The following ANKRD11 variants were observed in gnomAD, a reference collection of about 807,000 sequenced individuals.
ANKRD11 encodes ankyrin repeat domain-containing protein 11.
A neutral mutation model predicts 195.7 loss-of-function variants in ANKRD11; 17 were observed. The observed-to-expected ratio is 0.09, with a 90% CI of 0.06 to 0.13. The LOEUF (loss-of-function observed/expected upper bound fraction) is 0.13, where lower values mean the gene tolerates loss of function less well. Ranked by LOEUF, ANKRD11 falls within the 10% of genes least tolerant of loss-of-function variation. ANKRD11 has a pLI of 1.00. For missense variants in ANKRD11, 3,735 were observed against 3,566.1 expected, an observed-to-expected ratio of 1.05 and a Z score of -1.21; for synonymous variants, 1,953 against 1,528.1, an observed-to-expected ratio of 1.28 and a Z score of -6.49.
intron 2 of ANKRD11, among the ~76,000 whole-genome samples, chr16:89,340,795 C>A (rs2038619983): frequency 6.6e-6 from 1 of 152,174 alleles, no homozygotes; most frequent in Non-Finnish European, 1.5e-5. Flanking sequence ...CTCTGAAACC[C>A]CAGAAATCAC....
At chr16:89,391,002 G>A (rs1251199827) in intron 2 of ANKRD11, among the ~76,000 whole-genome samples, 13 of 152,162 alleles carry the variant, frequency 8.5e-5, no homozygotes, top group East Asian at 7.7e-4. Context: ...GCCGAGGTGG[G>A]TGGATCACGA....
Position 89,279,425 on chromosome 16 carries a change from C to A in ANKRD11, c.7117G>T (p.Gly2373Cys). 2.0e-6 allele frequency: 3 copies of A among 1,524,046 alleles called. No individual in the cohort carries two copies. Among genetic ancestry groups the A allele is most frequent in the Non-Finnish European group, 2.6e-6 (3 of 1,138,146 alleles). 94.4% of individuals were successfully genotyped at this position (1,524,046 alleles called of 1,614,324 possible). A position where few individuals can be genotyped will look rare whatever the true frequency, so the allele number is the denominator to read the frequency against. Residue 2373 changes from glycine to cysteine, a missense_variant, in exon 9 of 13, where the codon GGC becomes TGC. Coordinates refer to ENST00000301030, the MANE Select transcript of ANKRD11 (RefSeq NM_013275.6). This position sits in a 1 kb window ranked among gnomAD's most constrained non-coding sequence, Gnocchi z 5.6. Reference protein sequence around the residue: ...PAPVTRAKARGSEDDDAQAQH... With the variant: ...PAPVTRAKARCSEDDDAQAQH... ...GCCTGGGCGTCGTCGTCCTCGGAGC[C>A]GCGGGCCTTGGCCCTGGTGACCGGG... is the stretch of plus-strand genomic sequence containing the variant.
At chr16:89,446,010 A>C (rs1224711319) in intron 1 of ANKRD11, among the ~76,000 whole-genome samples, 9 of 151,824 alleles carry the variant, frequency 5.9e-5, no homozygotes, top group African/African-American at 2.2e-4. Flanking sequence ...TTAAAAAAAA[A>C]AAAAAAAAAA....
At chr16:89,428,439 T>C (rs1323062336) in intron 1 of ANKRD11, among the ~76,000 whole-genome samples, 2 of 151,434 alleles carry the variant, frequency 1.3e-5, no homozygotes, top group African/African-American at 2.4e-5. Flanking sequence ...GGCAGGAAAA[T>C]GTTGTGAACC....
At chr16:89,362,189 C>T (rs1000663822) in intron 2 of ANKRD11, among the ~76,000 whole-genome samples, 1 of 152,214 alleles carries the variant, frequency 6.6e-6, no homozygotes, top group Non-Finnish European at 1.5e-5. Context: ...TTCTGAAATA[C>T]CAACTGCCTT....
At chr16:89,331,548 G>C (rs2038066964) in intron 2 of ANKRD11, among the ~76,000 whole-genome samples, 10 of 152,214 alleles carry the variant, frequency 6.6e-5, no homozygotes, top group Admixed American at 2.0e-4. Flanking sequence ...ATTTAGGAAA[G>C]AGCCTTTTGA....
intron 2 of ANKRD11, among the ~76,000 whole-genome samples, chr16:89,408,165 T>C (rs1286118731): frequency 1.3e-5 from 2 of 152,114 alleles, no homozygotes; most frequent in African/African-American, 4.8e-5. Context: ...AAGGCTGCAC[T>C]ATGTGGCAAG....
At chr16:89,363,902 A>G (rs2039839293) in intron 2 of ANKRD11, among the ~76,000 whole-genome samples, 1 of 152,170 alleles carries the variant, frequency 6.6e-6, no homozygotes, top group Non-Finnish European at 1.5e-5. Context: ...CAAAAAAGAA[A>G]AAAAAAATTA....
chr16:89,294,637 C>T, intron 4 of ANKRD11, among the ~76,000 whole-genome samples: 1 of 152,210 alleles, frequency 6.6e-6, no homozygotes, highest in Non-Finnish European at 1.5e-5. Context: ...CATGGCTCAA[C>T]AATGCCTGCT....
chr16:89,385,624 G>A (rs1323622023), intron 2 of ANKRD11, among the ~76,000 whole-genome samples: 1 of 152,178 alleles, frequency 6.6e-6, no homozygotes, highest in African/African-American at 2.4e-5. Context: ...ACACACTCAC[G>A]ATGATGCATT....
At chr16:89,458,779 T>C (rs1256648141) in intron 1 of ANKRD11, 1 of 152,278 alleles carries the variant, frequency 6.6e-6, no homozygotes, top group Non-Finnish European at 1.5e-5. Context: ...GGAGCCAGCC[T>C]GCTGCTGGCC....
rs62070811 is a variant in ANKRD11, at chr16:89,327,081, T to G, written c.-59-10003A>C. On this transcript the variant is annotated intron_variant, in intron 2 of 12. Transcript: ENST00000301030. ...ATGCAGAGGTGGGGAATGCAGAGGT[T>G]GGAAATGCAGAGGTGGGGAATGCAG... Among the ~76,000 whole-genome samples, 574 of 142,212 alleles carry G rather than the reference T, an allele frequency of 4.0e-3. 6 individuals carry two copies. Among genetic ancestry groups the G allele is most frequent in the African/African-American group, 0.013 (482 of 37,322 alleles). The allele number at this position is 142,212 out of a possible 152,430, so 93.3% of individuals were successfully genotyped here. A position where few individuals can be genotyped will look rare whatever the true frequency, so the allele number is the denominator to read the frequency against.
At chr16:89,397,150 C>T (rs1012407383) in intron 2 of ANKRD11, among the ~76,000 whole-genome samples, 4 of 152,120 alleles carry the variant, frequency 2.6e-5, no homozygotes, top group African/African-American at 9.7e-5. Flanking sequence ...AGCAGACATA[C>T]CCACAGAGCC....
At chr16:89,320,473 C>CCG (rs1341527330) in intron 2 of ANKRD11, 1 of 152,208 alleles carries the variant, frequency 6.6e-6, no homozygotes, top group Admixed American at 6.5e-5. Context: ...CAAGGCACAG[C>CCG]CGCGGGAAGG....
intron 1 of ANKRD11, among the ~76,000 whole-genome samples, chr16:89,428,458 G>A (rs903111423): frequency 6.6e-6 from 1 of 152,026 alleles, no homozygotes; most frequent in Non-Finnish European, 1.5e-5. Flanking sequence ...CCTGGGAGGC[G>A]GAGCTTGCAG....
At chr16:89,425,328 C>T (rs55660259) in intron 1 of ANKRD11, among the ~76,000 whole-genome samples, 3,798 of 152,208 alleles carry the variant, frequency 0.025, 63 homozygotes, top group Non-Finnish European at 0.036. Flanking sequence ...CTCTTCACCA[C>T]GATCAGTCTT....
chr16:89,364,834 C>T (rs1238814230), intron 2 of ANKRD11, among the ~76,000 whole-genome samples: 4 of 152,214 alleles, frequency 2.6e-5, no homozygotes, highest in South Asian at 4.1e-4. Flanking sequence ...CTCAGCACCA[C>T]GGCCAACCTG....
At chr16:89,311,711 T>A (rs1296687310) in intron 3 of ANKRD11, among the ~76,000 whole-genome samples, 1 of 152,182 alleles carries the variant, frequency 6.6e-6, no homozygotes, top group Non-Finnish European at 1.5e-5. Context: ...AAGAAAATAT[T>A]AAATAGAATG....
Position 89,295,985 on chromosome 16 carries a change from C to CTTTTTTTT in ANKRD11, c.227-4810_227-4803dup, listed in dbSNP as rs60214636. ...GGGAGTGTCTTCTCTATCTGGCTGC[C>CTTTTTTTT]TTTTTTTTTTTTTTTTTTTTTGAGA... On this transcript the variant is annotated intron_variant, in intron 4 of 12. Coordinates refer to ENST00000301030, the MANE Select transcript of ANKRD11 (RefSeq NM_013275.6). 3.4e-3 allele frequency among the ~76,000 whole-genome samples: 154 copies of CTTTTTTTT among 45,136 alleles called. 56 individuals are homozygous for CTTTTTTTT. Among genetic ancestry groups the CTTTTTTTT allele is most frequent in the Middle Eastern group, 0.025 (1 of 40 alleles). 29.6% of individuals were successfully genotyped at this position (45,136 alleles called of 152,430 possible). A position where few individuals can be genotyped will look rare whatever the true frequency, so the allele number is the denominator to read the frequency against.
Sources: allele counts gnomAD v4.1 joint callset (sites outside exome capture counted in the v4.1 genomes callset), GRCh38; gene constraint gnomAD v4.1.1; non-coding constraint Gnocchi (gnomAD v3.1); transcripts MANE v1.5; gene names NCBI Gene and HGNC (gene_info 2026-07-23, HGNC 2026-07-21).